Variants in ACAD11 observed in about 807,000 individuals in gnomAD.
The protein encoded by ACAD11 is acyl-CoA dehydrogenase family member 11.
In ACAD11, 83 loss-of-function variants were observed where a neutral mutation model predicts 102.2. That is an observed-to-expected ratio of 0.81 (90% CI 0.68 to 0.97). ACAD11 has a LOEUF of 0.97. Ranked by LOEUF, ACAD11 falls within the 50% of genes least tolerant of loss-of-function variation. The probability of loss-of-function intolerance (pLI) is 0.00; values close to 1 mark genes in which losing one functional copy is unlikely to be tolerated. For synonymous variants in ACAD11, 324 were observed against 319.8 expected (o/e 1.01, Z -0.14); for missense variants, 901 against 951.7 (o/e 0.95, Z 0.70).
In ACAD11 at chr3:132,579,050, C is replaced by T. The variant is rs117493517; in HGVS notation, c.1689-169G>A. 60 of 1,508,894 alleles carry T rather than the reference C, an allele frequency of 4.0e-5. No homozygotes were observed. The East Asian group carries it at 1.1e-3, about 28-fold the overall frequency. The allele number at this position is 1,508,894 out of a possible 1,614,324, so 93.5% of individuals were successfully genotyped here. ...GTACACCAACATAGTCTGATGCAGGCTGTGATCTGGAACAGAAACAATGAT... is the reference window on the plus strand; with the variant it reads ...GTACACCAACATAGTCTGATGCAGGTTGTGATCTGGAACAGAAACAATGAT... On this transcript the variant is annotated intron_variant, in intron 14 of 19. Transcript: ENST00000264990.
chr3:132,649,781 T>A (rs560731081), intron 1 of ACAD11: 2 of 152,148 alleles, frequency 1.3e-5, no homozygotes, highest in Non-Finnish European at 2.9e-5. Flanking sequence ...GTGGAGGGGC[T>A]GGCCCCCTTC....
chr3:132,588,090 A>T (rs1937919959), intron 13 of ACAD11, among the ~76,000 whole-genome samples: 1 of 152,176 alleles, frequency 6.6e-6, no homozygotes, highest in African/African-American at 2.4e-5. Context: ...CTAAAGTCTA[A>T]AAATGAAAAA....
chr3:132,588,162 G>A (rs1210455511), intron 13 of ACAD11, among the ~76,000 whole-genome samples: 2 of 151,856 alleles, frequency 1.3e-5, no homozygotes, highest in Non-Finnish European at 2.9e-5. Context: ...GCTTGCCTTT[G>A]TTCACTTCCC....
intron 5 of ACAD11, among the ~76,000 whole-genome samples, chr3:132,633,655 G>A (rs1238472881): frequency 2.6e-5 from 4 of 151,946 alleles, no homozygotes; most frequent in African/African-American, 9.7e-5. Context: ...AATGGTACCA[G>A]CTCCTACAAG....
chr3:132,635,593 A>G (rs1455097763), intron 5 of ACAD11, among the ~76,000 whole-genome samples: 2 of 151,964 alleles, frequency 1.3e-5, no homozygotes, highest in East Asian at 3.9e-4. Flanking sequence ...CTAATCCTCA[A>G]TTTTCTCAGC....
intron 13 of ACAD11, among the ~76,000 whole-genome samples, chr3:132,581,116 G>A (rs967997600): frequency 2.0e-5 from 3 of 151,866 alleles, no homozygotes; most frequent in Non-Finnish European, 2.9e-5. Context: ...CAACAAAGAA[G>A]AGGAAATCTT....
chr3:132,641,690 G>GA (rs1940523873), intron 4 of ACAD11, among the ~76,000 whole-genome samples: 2 of 130,396 alleles, frequency 1.5e-5, no homozygotes, highest in South Asian at 2.6e-4. Context: ...GGAAGAGGAA[G>GA]AGGAAGAGGA....
chr3:132,561,318 C>T (rs979813004), intron 17 of ACAD11, 101 bp from the exon 18 acceptor site: 1 of 846,580 alleles, frequency 1.2e-6, no homozygotes, highest in Admixed American at 1.8e-5. Context: ...ACTCTCTAAG[C>T]CAGAGATTGT....
Position 132,631,551 on chromosome 3 carries a change from T to C in ACAD11, c.703-72A>G, listed in dbSNP as rs75520087. 1.0e-3 allele frequency: 1,144 copies of C among 1,130,336 alleles called. 9 individuals are homozygous for C. In the African/African-American group the frequency reaches 0.017, roughly 16 times the overall value. 70.0% of individuals were successfully genotyped at this position (1,130,336 alleles called of 1,614,324 possible). On this transcript the variant is annotated intron_variant, in intron 5 of 19. Coordinates refer to ENST00000264990, the MANE Select transcript of ACAD11 (RefSeq NM_032169.5). ...AAGTATAATAAAGAAATAAATAACATTGAACACATTCAAAATCATGTTTTC... is the reference window on the plus strand; with the variant it reads ...AAGTATAATAAAGAAATAAATAACACTGAACACATTCAAAATCATGTTTTC...
chr3:132,619,383 T>C (rs1472069121), intron 10 of ACAD11, 85 bp downstream of exon 10: 6 of 830,766 alleles, frequency 7.2e-6, no homozygotes, highest in South Asian at 2.0e-5. Context: ...CTTCTACATA[T>C]ATAACAATAG....
chr3:132,597,997 G>C (rs7626429), intron 13 of ACAD11, among the ~76,000 whole-genome samples: 11,715 of 151,996 alleles, frequency 0.077, 1,496 homozygotes, highest in African/African-American at 0.27. Flanking sequence ...TCTTCTATGT[G>C]GTGTCTTTCT....
intron 13 of ACAD11, among the ~76,000 whole-genome samples, chr3:132,594,389 A>C (rs1437739429): frequency 6.6e-6 from 1 of 152,192 alleles, no homozygotes; most frequent in Non-Finnish European, 1.5e-5. Context: ...ATAAGAGATA[A>C]GATGATAAAA....
At chr3:132,623,408 A>G (rs1363191745) in intron 9 of ACAD11, among the ~76,000 whole-genome samples, 4 of 152,176 alleles carry the variant, frequency 2.6e-5, no homozygotes, top group African/African-American at 9.6e-5. Context: ...CTTTTCTCCA[A>G]ATATAATCTC....
At chr3:132,630,994 C>T (rs1940015604) in intron 6 of ACAD11, among the ~76,000 whole-genome samples, 1 of 151,986 alleles carries the variant, frequency 6.6e-6, no homozygotes, top group Non-Finnish European at 1.5e-5. Flanking sequence ...TCACTTGAGC[C>T]CAGGAGTTCA....
chr3:132,590,497 T>G (rs1938031403), intron 13 of ACAD11, among the ~76,000 whole-genome samples: 1 of 152,178 alleles, frequency 6.6e-6, no homozygotes, highest in South Asian at 2.1e-4. Flanking sequence ...TCCTCCCGCC[T>G]TAGCCCCCCA....
rs778377753 is a variant in ACAD11, at chr3:132,639,636, T to C, written c.558A>G (p.Gln186=). The part of the protein sequence containing the change: ...CKRQVSTWTK[Q]YQAAAHQDIP... ...TGTCCTGATGAGCTGCAGCTTGATA[T>C]TGCTTTGTCCAGGTTGATACCTAAA... The change falls in exon 5 of 20, where the codon CAA becomes CAG. Residue 186 remains glutamine (Q), a synonymous_variant. Transcript: ENST00000264990. 7.4e-6 allele frequency: 12 copies of C among 1,613,364 alleles called. No individual in the cohort carries two copies. The Admixed American group carries it at 1.8e-4, about 25-fold the overall frequency.
intron 17 of ACAD11, among the ~76,000 whole-genome samples, chr3:132,564,899 G>T (rs1419654147): frequency 2.0e-5 from 3 of 152,092 alleles, no homozygotes; most frequent in African/African-American, 4.8e-5. Context: ...GTGTTTCCTA[G>T]GTTTTCTTTT....
intron 11 of ACAD11, among the ~76,000 whole-genome samples, chr3:132,612,671 A>G (rs565665386): frequency 0.015 from 2,276 of 152,162 alleles, 91 homozygotes; most frequent in African/African-American, 0.053. Flanking sequence ...CAAAACCACA[A>G]TGAGATACCA....
chr3:132,588,210 T>C (rs995939971), intron 13 of ACAD11, among the ~76,000 whole-genome samples: 2 of 152,112 alleles, frequency 1.3e-5, no homozygotes, highest in Non-Finnish European at 2.9e-5. Context: ...TGTATGTATG[T>C]ATGTATGTAT....
Sources: allele counts gnomAD v4.1 joint callset (sites outside exome capture counted in the v4.1 genomes callset), GRCh38; gene constraint gnomAD v4.1.1; transcripts MANE v1.5; gene names NCBI Gene and HGNC (gene_info 2026-07-23, HGNC 2026-07-21).